Variants in GPM6B observed in about 807,000 individuals in gnomAD.
GPM6B encodes the protein glycoprotein M6B.
A neutral mutation model predicts 27.2 loss-of-function variants in GPM6B; 4 were observed. The observed-to-expected ratio is 0.15, with a 90% CI of 0.07 to 0.34. The LOEUF (loss-of-function observed/expected upper bound fraction) is 0.34. Ranked by LOEUF, GPM6B falls within the 10% of genes least tolerant of loss-of-function variation. The pLI is 1.00. For synonymous variants in GPM6B, 124 were observed against 103.1 expected, an observed-to-expected ratio of 1.20 and a Z score of -1.23; for missense variants, 183 against 261.9, an observed-to-expected ratio of 0.70 and a Z score of 2.08.
At chrX:13,773,105 AGACTT>A in intron 7 of GPM6B, 75 bp from the exon 8 acceptor site, 1 of 952,162 alleles carries the variant, frequency 1.1e-6, no homozygotes, top group Non-Finnish European at 1.5e-6. Flanking sequence ...TAGATTAGAC[AGACTT>A]GACTTTAAAG....
At chrX:13,868,055 T>C (rs16979328) in intron 1 of GPM6B, among the ~76,000 whole-genome samples, 33,093 of 110,740 alleles carry the variant, frequency 0.3, 3,901 homozygotes, top group East Asian at 0.64. Context: ...TCTAGCACGG[T>C]GCCTCTTTCT....
chrX:13,811,869 G>A (rs886282202), intron 1 of GPM6B, among the ~76,000 whole-genome samples: 1 of 110,595 alleles, frequency 9.0e-6, no homozygotes, highest in Non-Finnish European at 1.9e-5. Context: ...CAAAATTCTC[G>A]TCTATGGCAT....
intron 1 of GPM6B, among the ~76,000 whole-genome samples, chrX:13,871,644 T>A (rs1440338543): frequency 8.9e-6 from 1 of 112,009 alleles, no homozygotes; most frequent in Non-Finnish European, 1.9e-5. Flanking sequence ...TTTGTATGCA[T>A]GTTAAAGTTT....
At chrX:13,895,540 T>C (rs1450975789) in intron 1 of GPM6B, among the ~76,000 whole-genome samples, 1 of 111,655 alleles carries the variant, frequency 9.0e-6, no homozygotes, top group Admixed American at 9.5e-5. Flanking sequence ...AAACAGAATT[T>C]TCCTGACTGT....
intron 1 of GPM6B, among the ~76,000 whole-genome samples, chrX:13,844,849 G>T (rs1051000560): frequency 3.6e-5 from 4 of 112,087 alleles, no homozygotes; most frequent in African/African-American, 1.3e-4. Context: ...ACAAAAATAA[G>T]AAAACAGAAA....
chrX:13,835,705 C>T (rs1329709986), intron 1 of GPM6B, among the ~76,000 whole-genome samples: 1 of 112,023 alleles, frequency 8.9e-6, no homozygotes, highest in Non-Finnish European at 1.9e-5. Context: ...TTACGTGTAC[C>T]TTTTAAAAAG....
chrX:13,827,476 C>T (rs748421332), intron 1 of GPM6B, among the ~76,000 whole-genome samples: 1 of 109,770 alleles, frequency 9.1e-6, no homozygotes, highest in East Asian at 2.9e-4. Flanking sequence ...TAACTCACCC[C>T]GCTGTCTCTC....
At chrX:13,888,119 G>A (rs1453684512) in intron 1 of GPM6B, among the ~76,000 whole-genome samples, 1 of 112,200 alleles carries the variant, frequency 8.9e-6, no homozygotes, top group Non-Finnish European at 1.9e-5. Flanking sequence ...GATTCGAATA[G>A]CATCTCACAT....
chrX:13,930,923 C>A (rs972280454), intron 1 of GPM6B, among the ~76,000 whole-genome samples: 1 of 112,249 alleles, frequency 8.9e-6, no homozygotes, highest in South Asian at 3.7e-4. Context: ...GTGGCTCACA[C>A]CTTTAATCCC....
At chrX:13,850,189 C>A (rs1006138220) in intron 1 of GPM6B, among the ~76,000 whole-genome samples, 1 of 112,346 alleles carries the variant, frequency 8.9e-6, no homozygotes, top group African/African-American at 3.2e-5. Context: ...AGGTGAATCC[C>A]TCATGAATAC....
intron 1 of GPM6B, among the ~76,000 whole-genome samples, chrX:13,864,329 T>C (rs932862717): frequency 1.8e-5 from 2 of 112,035 alleles, no homozygotes; most frequent in African/African-American, 6.5e-5. Flanking sequence ...TTGCTGCCAA[T>C]TCCCTCTTGT....
chrX:13,807,892 T>G (rs1457534705), intron 1 of GPM6B, 123 bp from the exon 2 acceptor site: 1 of 603,621 alleles, frequency 1.7e-6, no homozygotes. Flanking sequence ...GCTATTGAAA[T>G]GCAACCCTTC....
intron 1 of GPM6B, among the ~76,000 whole-genome samples, chrX:13,841,952 C>G (rs2049581416): frequency 8.9e-6 from 1 of 112,114 alleles, no homozygotes; most frequent in South Asian, 3.7e-4. Flanking sequence ...TTCTATTCAT[C>G]TTCAAGGTGC....
intron 2 of GPM6B, among the ~76,000 whole-genome samples, chrX:13,807,417 G>A (rs1448565215): frequency 1.8e-5 from 2 of 112,065 alleles, no homozygotes; most frequent in Admixed American, 9.4e-5. Context: ...GGTGAAAGAG[G>A]GAAGAGGGAA....
chrX:13,934,610 C>T (rs1281697346), intron 1 of GPM6B, among the ~76,000 whole-genome samples: 3 of 111,914 alleles, frequency 2.7e-5, no homozygotes, highest in African/African-American at 9.7e-5. Context: ...CAGCATTTAA[C>T]CCAACTACAG....
upstream of GPM6B, among the ~76,000 whole-genome samples, chrX:13,819,501 G>A (rs1007609330): frequency 3.6e-5 from 4 of 112,190 alleles, no homozygotes; most frequent in Non-Finnish European, 5.6e-5. Context: ...ACTTCTGAAA[G>A]CCAAAACAGG....
intron 1 of GPM6B, among the ~76,000 whole-genome samples, chrX:13,869,275 C>T (rs996465672): frequency 1.3e-4 from 14 of 110,058 alleles, no homozygotes; most frequent in Non-Finnish European, 2.5e-4. Context: ...AATAGGAAAA[C>T]CTATAGAGAC....
chrX:13,841,352 G>A (rs1477393318), intron 1 of GPM6B, among the ~76,000 whole-genome samples: 1 of 111,670 alleles, frequency 9.0e-6, no homozygotes, highest in Non-Finnish European at 1.9e-5. Flanking sequence ...TCTGCCATTT[G>A]CCAGCTAGGT....
At chrX:13,907,474 A>G (rs2050340962) in intron 1 of GPM6B, among the ~76,000 whole-genome samples, 1 of 112,074 alleles carries the variant, frequency 8.9e-6, no homozygotes, top group African/African-American at 3.2e-5. Context: ...ACTTGAGGTC[A>G]GGAGTTCGAG....
Sources: allele counts gnomAD v4.1 joint callset (sites outside exome capture counted in the v4.1 genomes callset), GRCh38; gene constraint gnomAD v4.1.1; transcripts MANE v1.5; gene names NCBI Gene and HGNC (gene_info 2026-07-23, HGNC 2026-07-21).